The following SPTBN1 variants were observed in gnomAD, a reference collection of about 807,000 sequenced individuals.
SPTBN1 encodes spectrin beta, non-erythrocytic 1, also known as spectrin beta chain, non-erythrocytic 1.
Under a neutral mutation model 266.4 loss-of-function variants are expected in SPTBN1, and 32 were observed. That is an observed-to-expected ratio of 0.12 (90% confidence interval 0.09 to 0.16). The LOEUF is 0.16. Among genes scored for constraint, SPTBN1 ranks in the 10% least tolerant of loss-of-function variants. The pLI is 1.00. For synonymous variants in SPTBN1, 1,336 were observed against 1,162.2 expected (o/e 1.15, Z -3.04); for missense variants, 2,296 against 3,067.1 (o/e 0.75, Z 5.94).
chr2:54,582,745 C>T (rs1675025861), intron 2 of SPTBN1, among the ~76,000 whole-genome samples: 1 of 152,100 alleles, frequency 6.6e-6, no homozygotes, highest in South Asian at 2.1e-4. Context: ...GCTTGAACCC[C>T]ATTTCATATC....
Position 54,649,715 on chromosome 2 carries a change from C to G in SPTBN1, c.5303C>G (p.Ser1768Cys), listed in dbSNP as rs559572006. Reference sequence around the variant, plus strand: ...CACCTGGCAGATGAGCTCATCAACTCTGGACATTCAGATGCCGCCACCATC... The same window carrying G: ...CACCTGGCAGATGAGCTCATCAACTGTGGACATTCAGATGCCGCCACCATC... ...VNHLADELIN[S>C]GHSDAATIAE... The change falls in exon 26 of 36, where the codon TCT (serine) becomes TGT (cysteine). Residue 1768 changes from serine (S) to cysteine (C), a missense_variant. Physicochemically the swap from Ser to Cys is moderately radical, Grantham distance 112. Around this residue, in one of 12 missense-constraint regions of SPTBN1, gnomAD observed 644 missense variants for 745.3 expected, o/e 0.86. Transcript: ENST00000356805. The surrounding 1 kb of genome is among the most constrained non-coding windows in gnomAD (Gnocchi z 6.7). 1.9e-6 allele frequency: 3 copies of G among 1,614,196 alleles called. No individual in the cohort carries two copies. The highest frequency in any genetic ancestry group is 1.6e-4 in the Middle Eastern group (1 of 6,062).
intron 3 of SPTBN1, among the ~76,000 whole-genome samples, chr2:54,608,219 C>G (rs1316354535): frequency 6.6e-6 from 1 of 152,202 alleles, no homozygotes; most frequent in African/African-American, 2.4e-5. Flanking sequence ...AGTATAAAGC[C>G]TCATCCTTGC....
chr2:54,583,479 A>G (rs913962555), intron 2 of SPTBN1, among the ~76,000 whole-genome samples: 2 of 152,140 alleles, frequency 1.3e-5, no homozygotes, highest in African/African-American at 2.4e-5. Flanking sequence ...AGATACCTGG[A>G]GGCTGACCCT....
chr2:54,571,822 T>C (rs1464092882), intron 2 of SPTBN1, among the ~76,000 whole-genome samples: 3 of 152,174 alleles, frequency 2.0e-5, no homozygotes, highest in Non-Finnish European at 4.4e-5. Flanking sequence ...TAAAGTGATT[T>C]AGCTGGTTTT....
At chr2:54,462,302 C>G (rs1693405918) in intron 1 of SPTBN1, among the ~76,000 whole-genome samples, 1 of 152,154 alleles carries the variant, frequency 6.6e-6, no homozygotes, top group Admixed American at 6.5e-5. Flanking sequence ...GTCAGGAGAG[C>G]TATTAAATGG....
At chr2:54,571,556 CACACACACACACACACACAT>C (rs1428683580) in intron 2 of SPTBN1, among the ~76,000 whole-genome samples, 1,422 of 65,438 alleles carry the variant, frequency 0.022, 24 homozygotes, top group African/African-American at 0.089. Flanking sequence ...TACACACACA[CACACACACACACACACACAT>C]ACACACACAC....
rs1679246778 is a variant in SPTBN1 at position 54,637,710 on chromosome 2, T to C, written c.3768-3T>C. On this transcript the variant is annotated splice_region_variant and splice_polypyrimidine_tract_variant and intron_variant, in intron 17 of 35. Coordinates refer to ENST00000356805, the MANE Select transcript of SPTBN1 (RefSeq NM_003128.3). Reference sequence around the variant, plus strand: ...AAAATTATTTTTGTTACCATTCTAATAGACATAGGAAGAATCGTGAGACAG... The same window carrying C: ...AAAATTATTTTTGTTACCATTCTAACAGACATAGGAAGAATCGTGAGACAG... The C allele has an allele frequency of 6.2e-7, 1 of 1,610,446 alleles. No homozygotes were observed.
chr2:54,499,770 T>C (rs73932782), intron 1 of SPTBN1, among the ~76,000 whole-genome samples: 1,859 of 152,334 alleles, frequency 0.012, 38 homozygotes, highest in African/African-American at 0.042. Context: ...GCCCCTGTTA[T>C]TACTTTGCTT....
intron 1 of SPTBN1, among the ~76,000 whole-genome samples, chr2:54,523,233 T>C (rs1292084459): frequency 6.6e-6 from 1 of 152,244 alleles, no homozygotes; most frequent in Admixed American, 6.5e-5. Flanking sequence ...TTTTTGTGTT[T>C]TTATGAAATC....
At chr2:54,647,089 A>G in intron 23 of SPTBN1, 42 bp from the exon 24 acceptor site, 2 of 1,613,884 alleles carry the variant, frequency 1.2e-6, no homozygotes, top group South Asian at 1.1e-5. Context: ...GGGTAGGGCC[A>G]GAGGGGACCG....
At chr2:54,505,084 G>GA (rs1421506732) in intron 1 of SPTBN1, among the ~76,000 whole-genome samples, 1 of 152,196 alleles carries the variant, frequency 6.6e-6, no homozygotes, top group African/African-American at 2.4e-5. Flanking sequence ...CATAGAGCTG[G>GA]AAAAGCCATT....
intron 2 of SPTBN1, among the ~76,000 whole-genome samples, chr2:54,585,945 A>G (rs1675261412): frequency 6.6e-6 from 1 of 152,248 alleles, no homozygotes. Flanking sequence ...TACTTCCTGA[A>G]TGAAGAATAC....
chr2:54,637,039 G>A (rs1679195720), intron 17 of SPTBN1, among the ~76,000 whole-genome samples: 1 of 152,212 alleles, frequency 6.6e-6, no homozygotes, highest in Non-Finnish European at 1.5e-5. Context: ...GATGGGGAAG[G>A]AGCCAAGTAG....
Position 54,647,380 on chromosome 2 carries a change from C to G in SPTBN1, c.4997+119C>G, listed in dbSNP as rs577723342. ...ATCATGACTTGCTGGTAAGGCAAAT[C>G]TTTGAGAAGCATTTTTAAAACAGAC... On this transcript the variant is annotated intron_variant, in intron 24 of 35. Transcript: ENST00000356805. 1.7e-4 allele frequency: 231 copies of G among 1,375,676 alleles called. 3 individuals carry two copies. The South Asian group carries it at 3.0e-3, about 18-fold the overall frequency. 85.2% of individuals were successfully genotyped at this position (1,375,676 alleles called of 1,614,324 possible). A position where few individuals can be genotyped will look rare whatever the true frequency, so the allele number is the denominator to read the frequency against.
intron 1 of SPTBN1, among the ~76,000 whole-genome samples, chr2:54,462,197 A>T (rs765663142): frequency 2.6e-5 from 4 of 152,224 alleles, no homozygotes; most frequent in Non-Finnish European, 5.9e-5. Flanking sequence ...TATTTAGTTG[A>T]TAACAGTTGT....
chr2:54,459,952 C>G (rs1408107399), intron 1 of SPTBN1, among the ~76,000 whole-genome samples: 2 of 152,312 alleles, frequency 1.3e-5, no homozygotes, highest in South Asian at 2.1e-4. Flanking sequence ...ATAACATCAT[C>G]TATTTTTTTC....
intron 2 of SPTBN1, among the ~76,000 whole-genome samples, chr2:54,582,985 A>G (rs1675045522): frequency 6.6e-6 from 1 of 152,224 alleles, no homozygotes; most frequent in African/African-American, 2.4e-5. Flanking sequence ...ACCTGGCCCT[A>G]GTAAACACTC....
At chr2:54,489,153 A>G (rs1184414687) in intron 1 of SPTBN1, among the ~76,000 whole-genome samples, 1 of 18,400 alleles carries the variant, frequency 5.4e-5, no homozygotes, top group Non-Finnish European at 1.3e-4. Flanking sequence ...TCTGTATTTA[A>G]AAAAAAAAAA....
chr2:54,621,379 A>G (rs745926792), intron 7 of SPTBN1, 21 bp from the exon 8 acceptor site: 2 of 1,596,808 alleles, frequency 1.3e-6, no homozygotes, highest in East Asian at 4.5e-5. Context: ...CACACTGAAC[A>G]GAGTCTTCTC....
Sources: gnomAD v4.1 joint callset for allele counts (sites outside exome capture counted in the v4.1 genomes callset) on GRCh38, gnomAD v4.1.1 for gene constraint, gnomAD v4.1.1 regional missense constraint, Gnocchi (gnomAD v3.1) non-coding constraint, MANE v1.5 for transcripts, NCBI Gene and HGNC (gene_info 2026-07-23, HGNC 2026-07-21) for gene names.